Variants in DAB1 observed in about 807,000 individuals in gnomAD.
DAB1 encodes disabled homolog 1.
A neutral mutation model predicts 64.6 loss-of-function variants in DAB1; 15 were observed. That is an observed-to-expected ratio of 0.23 (90% CI 0.16 to 0.36). The LOEUF is 0.36. DAB1 is among the 10% of genes least tolerant of loss of function. DAB1 has a pLI of 1.00. For missense variants in DAB1, 596 were observed against 706.7 expected (o/e 0.84, Z 1.78); for synonymous variants, 235 against 251.9 (o/e 0.93, Z 0.64).
intron 6 of DAB1, among the ~76,000 whole-genome samples, chr1:57,682,583 G>C (rs1021699214): frequency 1.3e-5 from 2 of 151,934 alleles, no homozygotes; most frequent in Non-Finnish European, 2.9e-5. Context: ...GAGTGAATAA[G>C]GAGACCAAGG....
At chr1:58,070,840 C>A (rs1229569631) in intron 5 of DAB1, among the ~76,000 whole-genome samples, 5 of 152,162 alleles carry the variant, frequency 3.3e-5, no homozygotes, top group Admixed American at 6.5e-5. Context: ...ATGAATGGAG[C>A]TGCTGCAAGC....
chr1:58,164,096 G>A (rs1028812386), intron 4 of DAB1, among the ~76,000 whole-genome samples: 2 of 151,234 alleles, frequency 1.3e-5, no homozygotes, highest in Admixed American at 6.6e-5. Flanking sequence ...AAACTAAGTG[G>A]AGACATCATC....
At chr1:58,539,292 C>A (rs756939474) in intron 1 of DAB1, 2 of 824,258 alleles carry the variant, frequency 2.4e-6, no homozygotes, top group Admixed American at 2.1e-5. Context: ...AGATGAAGCT[C>A]ATTTTTTCAC....
At chr1:57,712,636 A>T (rs1482800309) in intron 6 of DAB1, among the ~76,000 whole-genome samples, 1 of 152,226 alleles carries the variant, frequency 6.6e-6, no homozygotes, top group African/African-American at 2.4e-5. Flanking sequence ...TGAGCTATAT[A>T]TATAGTACAT....
intron 4 of DAB1, among the ~76,000 whole-genome samples, chr1:58,209,747 A>T (rs1320804166): frequency 6.6e-6 from 1 of 152,224 alleles, no homozygotes; most frequent in Non-Finnish European, 1.5e-5. Flanking sequence ...AAAAATAGTT[A>T]TGTAGCCCCT....
At chr1:57,538,922 T>A (rs985390101) in intron 7 of DAB1, among the ~76,000 whole-genome samples, 4 of 152,166 alleles carry the variant, frequency 2.6e-5, no homozygotes, top group African/African-American at 9.7e-5. Flanking sequence ...AGGCAATGAG[T>A]TGCATGCTTG....
intron 4 of DAB1, among the ~76,000 whole-genome samples, chr1:57,105,541 A>G (rs931114414): frequency 2.0e-5 from 3 of 152,150 alleles, no homozygotes; most frequent in Admixed American, 2.0e-4. Flanking sequence ...AGCCAATTTA[A>G]AAGTTCTACC....
intron 9 of DAB1, among the ~76,000 whole-genome samples, chr1:57,053,691 T>A (rs1420482322): frequency 0.014 from 1,823 of 134,732 alleles, 6 homozygotes; most frequent in Non-Finnish European, 0.02. Flanking sequence ...TATATATATT[T>A]TTTTTTTTTT....
chr1:58,441,531 C>A (rs1386522334), intron 3 of DAB1, among the ~76,000 whole-genome samples: 3 of 152,136 alleles, frequency 2.0e-5, no homozygotes, highest in Non-Finnish European at 4.4e-5. Flanking sequence ...GGAATTGGGG[C>A]TCTTTAGTTC....
At chr1:58,088,207 T>G (rs1159786666) in intron 5 of DAB1, among the ~76,000 whole-genome samples, 1 of 152,208 alleles carries the variant, frequency 6.6e-6, no homozygotes, top group Non-Finnish European at 1.5e-5. Context: ...GGTTCTTAGT[T>G]TAGAGCTCTT....
intron 4 of DAB1, among the ~76,000 whole-genome samples, chr1:58,256,734 A>G (rs1481702568): frequency 6.6e-6 from 1 of 150,412 alleles, no homozygotes; most frequent in East Asian, 1.9e-4. Context: ...CCATAGCCCC[A>G]AAATCTATAG....
chr1:58,158,300 G>A (rs1655327988), intron 4 of DAB1, among the ~76,000 whole-genome samples: 1 of 152,120 alleles, frequency 6.6e-6, no homozygotes, highest in African/African-American at 2.4e-5. Flanking sequence ...AGAGCCCAGG[G>A]GGGAAAGGCA....
At chr1:58,382,208 T>C (rs1174413836) in intron 3 of DAB1, among the ~76,000 whole-genome samples, 3 of 152,140 alleles carry the variant, frequency 2.0e-5, no homozygotes, top group Non-Finnish European at 4.4e-5. Flanking sequence ...ATTAATATCT[T>C]GGTGTGGAAG....
At chr1:57,663,941 C>T (rs1023485031) in intron 6 of DAB1, among the ~76,000 whole-genome samples, 1 of 152,062 alleles carries the variant, frequency 6.6e-6, no homozygotes, top group African/African-American at 2.4e-5. Flanking sequence ...ATGTGTAGGA[C>T]CAAAACTCAT....
chr1:57,014,258 C>A (rs1456074767), intron 12 of DAB1, among the ~76,000 whole-genome samples: 1 of 152,210 alleles, frequency 6.6e-6, no homozygotes, highest in Non-Finnish European at 1.5e-5. Context: ...GAACTTTCTG[C>A]AGCACTATCT....
At chr1:58,261,655 T>G (rs991414839) in intron 4 of DAB1, among the ~76,000 whole-genome samples, 2 of 151,660 alleles carry the variant, frequency 1.3e-5, no homozygotes, top group African/African-American at 4.8e-5. Flanking sequence ...TGAGAAAAAA[T>G]GATTGCATAA....
intron 2 of DAB1, among the ~76,000 whole-genome samples, chr1:57,216,607 C>T (rs1376779215): frequency 6.6e-6 from 1 of 152,046 alleles, no homozygotes; most frequent in Non-Finnish European, 1.5e-5. Flanking sequence ...CTTAAGGAGA[C>T]TGTAATCTAG....
chr1:57,557,049 C>G (rs755890401), intron 7 of DAB1, among the ~76,000 whole-genome samples: 7 of 152,070 alleles, frequency 4.6e-5, no homozygotes, highest in Non-Finnish European at 1.0e-4. Flanking sequence ...TGAGTGTCAA[C>G]TTGATTGGAT....
chr1:57,367,599 G>A (rs1680163234), intron 1 of DAB1, among the ~76,000 whole-genome samples: 1 of 152,182 alleles, frequency 6.6e-6, no homozygotes. Context: ...TCATACCAAT[G>A]GCAGTGGCGA....
Sources: gnomAD v4.1 joint callset for allele counts (sites outside exome capture counted in the v4.1 genomes callset) on GRCh38, gnomAD v4.1.1 for gene constraint, MANE v1.5 for transcripts, NCBI Gene and HGNC (gene_info 2026-07-23, HGNC 2026-07-21) for gene names.